The following TSNARE1 variants were observed in gnomAD, a reference collection of about 807,000 sequenced individuals.
TSNARE1 encodes t-SNARE domain-containing protein 1.
TSNARE1 carries 49 observed loss-of-function variants against 62.0 expected under a neutral mutation model. The observed-to-expected ratio is 0.79, with a 90% CI of 0.63 to 1.00. The LOEUF (loss-of-function observed/expected upper bound fraction) is 1.00. Among genes scored for constraint, TSNARE1 ranks in the 50% least tolerant of loss-of-function variants. The pLI is 0.00. For synonymous variants in TSNARE1, 328 were observed against 294.4 expected (o/e 1.11, Z -1.17); for missense variants, 755 against 700.1 (o/e 1.08, Z -0.88).
rs543365298 is a variant in TSNARE1, at chr8:142,276,524, A to G, written c.1364-1661T>C. Reference sequence around the variant, plus strand: ...CTGTTGCTGAGAGGTGAATGTGGACAGTGGAGAGCATTTGCCAGCAGAGAC... The same window carrying G: ...CTGTTGCTGAGAGGTGAATGTGGACGGTGGAGAGCATTTGCCAGCAGAGAC... On this transcript the variant is annotated intron_variant, in intron 11 of 13. Transcript: ENST00000524325. 107 of 985,468 alleles carry G rather than the reference A, an allele frequency of 1.1e-4. 1 individual carries two copies. In the African/African-American group the frequency reaches 1.5e-3, roughly 14 times the overall value. 61.0% of individuals were successfully genotyped at this position (985,468 alleles called of 1,614,324 possible). A position where few individuals can be genotyped will look rare whatever the true frequency, so the allele number is the denominator to read the frequency against.
intron 2 of TSNARE1, among the ~76,000 whole-genome samples, chr8:142,346,767 T>C (rs1362220575): frequency 1.3e-5 from 2 of 152,244 alleles, no homozygotes; most frequent in Non-Finnish European, 2.9e-5. Flanking sequence ...GCTGCATCCT[T>C]GAGCCAAGCG....
chr8:142,283,425 G>A (rs895446394), intron 11 of TSNARE1, among the ~76,000 whole-genome samples: 6 of 150,756 alleles, frequency 4.0e-5, no homozygotes, highest in African/African-American at 1.5e-4. Context: ...CAGAGGCGGG[G>A]TTAGTGTCTG....
intron 12 of TSNARE1, chr8:142,269,756 G>A: frequency 1.0e-6 from 1 of 985,422 alleles, no homozygotes; most frequent in Non-Finnish European, 1.2e-6. Context: ...GGAACCATCA[G>A]AGTGGAGGCC....
rs1820864980 is a variant in TSNARE1 at position 142,278,514 on chromosome 8, T to C, written c.1364-3651A>G. The C allele has an allele frequency of 1.3e-5, 13 of 985,262 alleles. No individual in the cohort carries two copies. The South Asian group carries it at 1.4e-4, about 11-fold the overall frequency. The allele number at this position is 985,262 out of a possible 1,614,324, so 61.0% of individuals were successfully genotyped here. ...CTCTGCTTCGAAGGGTGTGCCACCA[T>C]ATGCGGAGGACGGCGAAGGAGCTCC... On this transcript the variant is annotated intron_variant, in intron 11 of 13. Transcript: ENST00000524325.
intron 12 of TSNARE1, 58 bp downstream of exon 12, chr8:142,274,723 G>T: frequency 7.0e-7 from 1 of 1,431,806 alleles, no homozygotes; most frequent in Non-Finnish European, 9.2e-7. Flanking sequence ...AGGGAGGGTT[G>T]GAGGATAGGG....
intron 9 of TSNARE1, among the ~76,000 whole-genome samples, chr8:142,301,935 G>A (rs1202739461): frequency 6.6e-6 from 1 of 152,210 alleles, no homozygotes; most frequent in Non-Finnish European, 1.5e-5. Flanking sequence ...CACACATCAA[G>A]GTTCGGTGAG....
intron 1 of TSNARE1, among the ~76,000 whole-genome samples, chr8:142,356,475 G>C (rs940939494): frequency 1.3e-5 from 2 of 152,222 alleles, no homozygotes; most frequent in East Asian, 3.8e-4. Context: ...GGAGCCCCGA[G>C]TGAGAGGCAG....
intron 10 of TSNARE1, 189 bp downstream of exon 10, chr8:142,300,297 C>T: frequency 1.7e-6 from 1 of 600,270 alleles, no homozygotes; most frequent in East Asian, 3.0e-5. Flanking sequence ...TCCCAGACTC[C>T]CGTCTCTCCC....
chr8:142,312,243 T>C lies in TSNARE1; in HGVS notation c.1131+2141A>G, dbSNP rs116434725. Among the ~76,000 whole-genome samples the C allele has an allele frequency of 2.0e-3, 299 of 152,338 alleles. 2 individuals carry two copies. The highest frequency in any genetic ancestry group is 6.7e-3 in the African/African-American group (279 of 41,588). On this transcript the variant is annotated intron_variant, in intron 9 of 13. Transcript: ENST00000524325. ...TTTTAACTTAGGGATGCTCAACCTATAAGCTGAGTGTCCAACCAACTATTT... is the reference window on the plus strand; with the variant it reads ...TTTTAACTTAGGGATGCTCAACCTACAAGCTGAGTGTCCAACCAACTATTT...
intron 9 of TSNARE1, among the ~76,000 whole-genome samples, chr8:142,301,073 G>A (rs1022915117): frequency 2.0e-4 from 30 of 151,580 alleles, no homozygotes; most frequent in African/African-American, 6.8e-4. Flanking sequence ...CTCCCGTCAG[G>A]AGCCCGGCCA....
At chr8:142,325,382 G>C (rs1586813476) in intron 6 of TSNARE1, among the ~76,000 whole-genome samples, 1 of 152,296 alleles carries the variant, frequency 6.6e-6, no homozygotes, top group Admixed American at 6.5e-5. Flanking sequence ...TTTAAAGATC[G>C]CTTTGAGCTC....
chr8:142,243,536 A>G (rs1327191972), intron 12 of TSNARE1, among the ~76,000 whole-genome samples: 1 of 151,976 alleles, frequency 6.6e-6, no homozygotes, highest in Non-Finnish European at 1.5e-5. Context: ...TTATACGTAA[A>G]ATCTAAAAAA....
At chr8:142,221,907 A>T (rs563997790) in intron 13 of TSNARE1, among the ~76,000 whole-genome samples, 24 of 142,644 alleles carry the variant, frequency 1.7e-4, no homozygotes, top group African/African-American at 5.7e-4. Context: ...TCACTCATCC[A>T]CTCACTCATT....
intron 12 of TSNARE1, among the ~76,000 whole-genome samples, chr8:142,259,615 T>G (rs1264301738): frequency 6.6e-6 from 1 of 152,174 alleles, no homozygotes; most frequent in African/African-American, 2.4e-5. Context: ...TGCTGTTTAT[T>G]TAACCTGCTT....
intron 1 of TSNARE1, among the ~76,000 whole-genome samples, chr8:142,383,642 G>A (rs536516863): frequency 5.9e-5 from 9 of 152,296 alleles, no homozygotes; most frequent in Non-Finnish European, 7.4e-5. Flanking sequence ...CAGGAGTGTG[G>A]ACACGTATTT....
chr8:142,396,966 C>T (rs910388244), intron 1 of TSNARE1, among the ~76,000 whole-genome samples: 5 of 152,118 alleles, frequency 3.3e-5, no homozygotes, highest in African/African-American at 9.7e-5. Context: ...CGAGGCAGCC[C>T]GAGGGTCTCA....
intron 11 of TSNARE1, among the ~76,000 whole-genome samples, chr8:142,283,358 G>A (rs112453941): frequency 3.3e-4 from 42 of 127,248 alleles, no homozygotes; most frequent in South Asian, 2.6e-3. Context: ...GTCAATGAGC[G>A]GAGGTGGGGC....
chr8:142,371,423 G>A (rs563874555), intron 1 of TSNARE1, among the ~76,000 whole-genome samples: 13 of 152,284 alleles, frequency 8.5e-5, no homozygotes, highest in East Asian at 1.9e-4. Context: ...GAAAATGTCC[G>A]GTGTCTTGAC....
At chr8:142,402,509 CG>C (rs1293807239) in intron 1 of TSNARE1, among the ~76,000 whole-genome samples, 3 of 152,228 alleles carry the variant, frequency 2.0e-5, no homozygotes, top group Admixed American at 2.0e-4. Context: ...AGAGTTTCTG[CG>C]GGGGCAGCAC....
Sources: gnomAD v4.1 joint callset for allele counts (sites outside exome capture counted in the v4.1 genomes callset) on GRCh38, gnomAD v4.1.1 for gene constraint, MANE v1.5 for transcripts, NCBI Gene and HGNC (gene_info 2026-07-23, HGNC 2026-07-21) for gene names.